ARHGAP42: variants seen among roughly 807,000 people sequenced by gnomAD.
ARHGAP42 encodes the protein Rho GTPase activating protein 42.
A neutral mutation model predicts 125.0 loss-of-function variants in ARHGAP42; 63 were observed. That is an observed-to-expected ratio of 0.50 (90% CI 0.41 to 0.62). The LOEUF (loss-of-function observed/expected upper bound fraction) is 0.62, where lower values mean the gene tolerates loss of function less well. Ranked by LOEUF, ARHGAP42 falls within the 20% of genes least tolerant of loss-of-function variation. The pLI, the probability that ARHGAP42 is intolerant of heterozygous loss-of-function variation, is 0.00. For synonymous variants in ARHGAP42, 339 were observed against 351.0 expected, an observed-to-expected ratio of 0.97 and a Z score of 0.38; for missense variants, 766 against 1,024.2, an observed-to-expected ratio of 0.75 and a Z score of 3.44.
intron 1 of ARHGAP42, among the ~76,000 whole-genome samples, chr11:100,747,389 A>G (rs1280296547): frequency 6.6e-6 from 1 of 152,212 alleles, no homozygotes; most frequent in Non-Finnish European, 1.5e-5. Context: ...ATTTTAATAA[A>G]ACCTTGTAGA....
At chr11:100,856,735 G>A (rs1865331011) in intron 3 of ARHGAP42, among the ~76,000 whole-genome samples, 1 of 151,922 alleles carries the variant, frequency 6.6e-6, no homozygotes, top group East Asian at 1.9e-4. Context: ...ATCATTTGGG[G>A]GAAACTATAA....
At chr11:100,703,112 A>C (rs1332213408) in intron 1 of ARHGAP42, among the ~76,000 whole-genome samples, 1 of 152,178 alleles carries the variant, frequency 6.6e-6, no homozygotes, top group Non-Finnish European at 1.5e-5. Context: ...GGGGACTATG[A>C]ATATACTGTT....
At chr11:100,704,057 T>C (rs1273357033) in intron 1 of ARHGAP42, among the ~76,000 whole-genome samples, 1 of 152,094 alleles carries the variant, frequency 6.6e-6, no homozygotes, top group Non-Finnish European at 1.5e-5. Flanking sequence ...CTGAGTGTGT[T>C]AATTAGAGAC....
intron 2 of ARHGAP42, among the ~76,000 whole-genome samples, chr11:100,792,841 C>T (rs1863598024): frequency 6.6e-6 from 1 of 151,764 alleles, no homozygotes; most frequent in Admixed American, 6.6e-5. Context: ...CAAGCTCTGC[C>T]TTCCGGGTTC....
Position 100,990,778 on chromosome 11 carries a change from A to G in ARHGAP42, c.*1977A>G, listed in dbSNP as rs551563177. The G allele has an allele frequency of 2.0e-5, 3 of 152,688 alleles. No individual in the cohort carries two copies. The highest frequency in any genetic ancestry group is 1.9e-4 in the East Asian group (1 of 5,174). 9.5% of individuals were successfully genotyped at this position (152,688 alleles called of 1,614,324 possible). A position where few individuals can be genotyped will look rare whatever the true frequency, so the allele number is the denominator to read the frequency against. ...CACCCTTGGTTTAAGCACACTTGCC[A>G]TCATCTGGTATCCTGCTAGACTAGA... On this transcript the variant is annotated 3_prime_UTR_variant, in exon 24 of 24. Transcript: ENST00000298815.
At chr11:100,747,779 C>A (rs917982736) in intron 1 of ARHGAP42, among the ~76,000 whole-genome samples, 1 of 152,048 alleles carries the variant, frequency 6.6e-6, no homozygotes. Flanking sequence ...ATTCAGGAGG[C>A]CTAATTACTT....
chr11:100,688,550 A>G (rs906558833), intron 1 of ARHGAP42, among the ~76,000 whole-genome samples: 7 of 152,114 alleles, frequency 4.6e-5, no homozygotes, highest in Non-Finnish European at 1.0e-4. Flanking sequence ...CTCCTTTCCC[A>G]TACACCTCTT....
chr11:100,885,967 T>C (rs183670850), intron 4 of ARHGAP42, among the ~76,000 whole-genome samples: 4 of 152,366 alleles, frequency 2.6e-5, no homozygotes, highest in Admixed American at 1.3e-4. Context: ...CAATTCTTGA[T>C]GAGGTAGGTT....
At chr11:100,749,874 C>T (rs939933300) in intron 1 of ARHGAP42, among the ~76,000 whole-genome samples, 16 of 152,182 alleles carry the variant, frequency 1.1e-4, no homozygotes, top group Admixed American at 9.8e-4. Context: ...TACCGGCTCC[C>T]GCAGCTTCTC....
chr11:100,919,431 A>G (rs1272798176), intron 5 of ARHGAP42, among the ~76,000 whole-genome samples: 1 of 152,156 alleles, frequency 6.6e-6, no homozygotes. Flanking sequence ...AAAACACAGC[A>G]GTCAGGCCTG....
chr11:100,719,953 T>C (rs117857189), intron 1 of ARHGAP42, among the ~76,000 whole-genome samples: 10,629 of 152,284 alleles, frequency 0.07, 492 homozygotes, highest in Non-Finnish European at 0.097. Flanking sequence ...CCTCCCCTGC[T>C]GAATGTGGCT....
chr11:100,773,820 A>G (rs1438498898), intron 2 of ARHGAP42, among the ~76,000 whole-genome samples: 1 of 152,202 alleles, frequency 6.6e-6, no homozygotes, highest in Non-Finnish European at 1.5e-5. Flanking sequence ...TGATTATTAC[A>G]TTAAATTTTA....
At chr11:100,806,532 G>T (rs1824187940) in intron 3 of ARHGAP42, among the ~76,000 whole-genome samples, 1 of 151,972 alleles carries the variant, frequency 6.6e-6, no homozygotes, top group Admixed American at 6.6e-5. Flanking sequence ...ACTTTAATTA[G>T]AAACAAATTT....
At position 100,961,544 on chromosome 11, in the gene ARHGAP42, A is replaced by G. The variant is rs1857955009; in HGVS notation, c.1301-140A>G. ...CTTTTTATCAATTCACGCAAACAAC[A>G]GTACTAATGTTAACTCTTGGCATTC... On this transcript the variant is annotated intron_variant, in intron 14 of 23. Transcript: ENST00000298815. 7 of 647,654 alleles carry G rather than the reference A, an allele frequency of 1.1e-5. No homozygotes were observed. The East Asian group carries it at 1.4e-4, about 13-fold the overall frequency. 40.1% of individuals were successfully genotyped at this position (647,654 alleles called of 1,614,324 possible).
rs145671882 is a variant in ARHGAP42 at position 100,916,395 on chromosome 11, A to C, written c.486+2842A>C. On this transcript the variant is annotated intron_variant, in intron 5 of 23. Transcript: ENST00000298815. Reference sequence around the variant, plus strand: ...ATGGGGCTATCATCTCTTATATACAAGAAGCATTGGAAAATCAGTGTCAGA... The same window carrying C: ...ATGGGGCTATCATCTCTTATATACACGAAGCATTGGAAAATCAGTGTCAGA... 5.3e-3 allele frequency among the ~76,000 whole-genome samples: 803 copies of C among 152,362 alleles called. 4 individuals carry two copies. Among genetic ancestry groups the C allele is most frequent in the African/African-American group, 0.018 (768 of 41,586 alleles).
At chr11:100,941,924 C>A in intron 9 of ARHGAP42, 40 bp downstream of exon 9, 1 of 1,371,212 alleles carries the variant, frequency 7.3e-7, no homozygotes, top group African/African-American at 1.5e-5. Context: ...TTAAACTGTT[C>A]ATTATTTAAG....
At chr11:100,921,422 G>A in intron 5 of ARHGAP42, 72 bp from the exon 6 acceptor site, 2 of 1,130,008 alleles carry the variant, frequency 1.8e-6, no homozygotes, top group South Asian at 3.0e-5. Context: ...TTTTAATAAA[G>A]ATACCAGAGC....
chr11:100,938,145 T>C (rs1447134837), intron 8 of ARHGAP42, among the ~76,000 whole-genome samples: 2 of 152,040 alleles, frequency 1.3e-5, no homozygotes, highest in Non-Finnish European at 2.9e-5. Context: ...AGTGTTTCTC[T>C]GTAGCCTTGG....
chr11:100,828,791 G>A (rs1351079070), intron 3 of ARHGAP42, among the ~76,000 whole-genome samples: 1 of 151,456 alleles, frequency 6.6e-6, no homozygotes, highest in East Asian at 2.0e-4. Context: ...GTGCTCAAGT[G>A]ATCCTCCCGC....
Sources: allele counts gnomAD v4.1 joint callset (sites outside exome capture counted in the v4.1 genomes callset), GRCh38; gene constraint gnomAD v4.1.1; transcripts MANE v1.5; gene names NCBI Gene and HGNC (gene_info 2026-07-23, HGNC 2026-07-21).